The following SH3GL2 variants were observed in gnomAD, a reference collection of about 807,000 sequenced individuals.
The protein encoded by SH3GL2 is endophilin-A1.
A neutral mutation model predicts 46.0 loss-of-function variants in SH3GL2; 24 were observed. The ratio of observed to expected loss-of-function variants is 0.52; its 90% CI spans 0.38 to 0.73. The LOEUF (loss-of-function observed/expected upper bound fraction) is 0.73, where lower values mean the gene tolerates loss of function less well. Among genes scored for constraint, SH3GL2 ranks in the 30% least tolerant of loss-of-function variants. SH3GL2 has a pLI of 0.00. For synonymous variants in SH3GL2, 196 were observed against 147.1 expected (o/e 1.33, Z -2.40); for missense variants, 413 against 424.2 (o/e 0.97, Z 0.23).
chr9:17,715,735 C>T (rs914152635), intron 1 of SH3GL2, among the ~76,000 whole-genome samples: 1 of 151,862 alleles, frequency 6.6e-6, no homozygotes, highest in Non-Finnish European at 1.5e-5. Context: ...CCAGATAAAC[C>T]TATCATAAGT....
intron 1 of SH3GL2, among the ~76,000 whole-genome samples, chr9:17,649,824 G>A (rs1819912246): frequency 1.3e-5 from 2 of 152,242 alleles, no homozygotes; most frequent in South Asian, 2.1e-4. Flanking sequence ...AGATAAACGT[G>A]TCAAACCAAT....
chr9:17,708,282 G>A (rs1821526191), intron 1 of SH3GL2, among the ~76,000 whole-genome samples: 1 of 151,858 alleles, frequency 6.6e-6, no homozygotes, highest in South Asian at 2.1e-4. Context: ...ACTCGTATTT[G>A]TGTTTGGTTT....
chr9:17,793,898 G>C (rs1824201956), intron 8 of SH3GL2, among the ~76,000 whole-genome samples: 3 of 152,238 alleles, frequency 2.0e-5, no homozygotes, highest in African/African-American at 7.2e-5. Flanking sequence ...TGGACAGTGT[G>C]TCCCCACATG....
chr9:17,591,698 A>G (rs1474611090), intron 1 of SH3GL2, among the ~76,000 whole-genome samples: 1 of 152,208 alleles, frequency 6.6e-6, no homozygotes, highest in Non-Finnish European at 1.5e-5. Flanking sequence ...CTCAAAGTTC[A>G]TCAGCAGTTT....
intron 1 of SH3GL2, among the ~76,000 whole-genome samples, chr9:17,700,456 G>C (rs1821319485): frequency 6.6e-6 from 1 of 152,338 alleles, no homozygotes; most frequent in Admixed American, 6.5e-5. Flanking sequence ...CTCTAGAGGA[G>C]CGGAAGATCT....
At chr9:17,656,770 C>CA (rs36079244) in intron 1 of SH3GL2, among the ~76,000 whole-genome samples, 21,771 of 101,220 alleles carry the variant, frequency 0.22, 2,839 homozygotes, top group Middle Eastern at 0.3. Context: ...GACTACATCT[C>CA]AAAAAAAAAA....
In SH3GL2 at chr9:17,750,431, G is replaced by T. The variant is rs557825207; in HGVS notation, c.114+3297G>T. On this transcript the variant is annotated intron_variant, in intron 2 of 8. Coordinates refer to ENST00000380607, the MANE Select transcript of SH3GL2 (RefSeq NM_003026.5). The stretch of plus-strand genomic sequence containing the variant: ...TAATCAGCCGCCCCAGCCACTCTGT[G>T]GCTGAGATGCAGTAAAATCATCATG... Among the ~76,000 whole-genome samples the T allele has an allele frequency of 2.0e-5, 3 of 152,188 alleles. No individual in the cohort carries two copies. In the South Asian group the frequency reaches 6.2e-4, roughly 32 times the overall value.
chr9:17,598,827 A>T (rs558408842), intron 1 of SH3GL2, among the ~76,000 whole-genome samples: 41 of 152,204 alleles, frequency 2.7e-4, no homozygotes, highest in Admixed American at 1.8e-3. Context: ...TTTACTGATG[A>T]GGAAACTAAG....
intron 1 of SH3GL2, among the ~76,000 whole-genome samples, chr9:17,729,186 G>A (rs753861082): frequency 6.6e-6 from 1 of 152,154 alleles, no homozygotes; most frequent in African/African-American, 2.4e-5. Flanking sequence ...GTATCTCACT[G>A]TGGTTTTGAT....
chr9:17,794,866 C>G (rs1403888529), intron 8 of SH3GL2, among the ~76,000 whole-genome samples: 1 of 152,176 alleles, frequency 6.6e-6, no homozygotes, highest in Non-Finnish European at 1.5e-5. Context: ...TTTACATAAT[C>G]TCATTTAGTA....
At position 17,793,437 on chromosome 9, in the gene SH3GL2, A is replaced by G. The variant is rs141085502; in HGVS notation, c.799A>G (p.Thr267Ala). 2.9e-5 allele frequency: 47 copies of G among 1,612,342 alleles called. 1 individual carries two copies. Among genetic ancestry groups the G allele is most frequent in the Middle Eastern group, 3.3e-4 (2 of 6,054 alleles). Residue 267 changes from threonine to alanine, a missense_variant, in exon 8 of 9, where the codon ACT becomes GCT. By Grantham distance (58) the Thr-to-Ala change is moderately conservative. Transcript: ENST00000380607. ...PKPRMSLEFP[T>A]GDSTQPNGGL... ...ACCACGAATGAGCCTGGAGTTTCCA[A>G]CTGGAGACAGTACTCAGCCCAATGG...
chr9:17,781,242 C>CA (rs1459667282), intron 3 of SH3GL2, among the ~76,000 whole-genome samples: 1 of 48,576 alleles, frequency 2.1e-5, no homozygotes, highest in Non-Finnish European at 4.4e-5. Context: ...TGATGATGAG[C>CA]ATTTTTTCAT....
At chr9:17,658,936 A>G (rs1820152033) in intron 1 of SH3GL2, among the ~76,000 whole-genome samples, 1 of 152,216 alleles carries the variant, frequency 6.6e-6, no homozygotes, top group South Asian at 2.1e-4. Flanking sequence ...GTCCCTGGAG[A>G]GGGAGCTAAT....
At chr9:17,729,740 T>G (rs1822120663) in intron 1 of SH3GL2, among the ~76,000 whole-genome samples, 1 of 152,200 alleles carries the variant, frequency 6.6e-6, no homozygotes, top group Non-Finnish European at 1.5e-5. Flanking sequence ...TTGCTTGTTT[T>G]TGTCAGGTTT....
intron 1 of SH3GL2, among the ~76,000 whole-genome samples, chr9:17,719,774 C>T (rs1262777526): frequency 9.6e-5 from 14 of 145,788 alleles, no homozygotes; most frequent in Non-Finnish European, 1.6e-4. Context: ...GTCTGGGTAA[C>T]GAAGTGAGAC....
intron 7 of SH3GL2, among the ~76,000 whole-genome samples, chr9:17,792,873 C>T (rs1588342343): frequency 2.6e-5 from 4 of 152,182 alleles, no homozygotes; most frequent in Non-Finnish European, 4.4e-5. Flanking sequence ...TGTTCTGTCT[C>T]CCTTACAGAC....
chr9:17,659,012 A>G (rs932707451), intron 1 of SH3GL2, among the ~76,000 whole-genome samples: 2 of 152,220 alleles, frequency 1.3e-5, no homozygotes, highest in Admixed American at 1.3e-4. Flanking sequence ...AAAGGAGCTG[A>G]AGGCTCAAGT....
At chr9:17,581,451 C>G (rs763730389) in intron 1 of SH3GL2, among the ~76,000 whole-genome samples, 1 of 152,200 alleles carries the variant, frequency 6.6e-6, no homozygotes, top group East Asian at 1.9e-4. Context: ...GTGTAGCACA[C>G]TCTTAGAAAG....
At chr9:17,744,105 T>A (rs890463286) in intron 1 of SH3GL2, among the ~76,000 whole-genome samples, 43 of 148,806 alleles carry the variant, frequency 2.9e-4, no homozygotes, top group African/African-American at 1.1e-3. Context: ...TAGAAAATAT[T>A]TTTTATTGTG....
Sources: gnomAD v4.1 joint callset for allele counts (sites outside exome capture counted in the v4.1 genomes callset) on GRCh38, gnomAD v4.1.1 for gene constraint, MANE v1.5 for transcripts, NCBI Gene and HGNC (gene_info 2026-07-23, HGNC 2026-07-21) for gene names.